CNTN4: variants seen among roughly 807,000 people sequenced by gnomAD.
CNTN4 encodes the protein contactin-4.
CNTN4 carries 77 observed loss-of-function variants against 122.5 expected under a neutral mutation model. The observed-to-expected ratio is 0.63, with a 90% CI of 0.52 to 0.76. The LOEUF (loss-of-function observed/expected upper bound fraction) is 0.76, where lower values mean the gene tolerates loss of function less well. CNTN4 is among the 30% of genes least tolerant of loss of function. The pLI, the probability that CNTN4 is intolerant of heterozygous loss-of-function variation, is 0.00. For missense variants in CNTN4, 1,256 were observed against 1,259.1 expected (o/e 1.00, Z 0.04); for synonymous variants, 512 against 447.0 (o/e 1.15, Z -1.83).
intron 13 of CNTN4, among the ~76,000 whole-genome samples, chr3:2,953,470 C>T (rs1426713767): frequency 6.6e-6 from 1 of 151,588 alleles, no homozygotes; most frequent in African/African-American, 2.4e-5. Context: ...CACTTCTTCT[C>T]CATTTGTCTA....
At chr3:2,139,885 C>T (rs115451993) in intron 2 of CNTN4, among the ~76,000 whole-genome samples, 9 of 152,220 alleles carry the variant, frequency 5.9e-5, no homozygotes, top group South Asian at 2.1e-4. Context: ...CCACCTGATA[C>T]GGTTTGTCTG....
At chr3:2,708,998 G>A (rs2086930950) in intron 4 of CNTN4, among the ~76,000 whole-genome samples, 1 of 151,992 alleles carries the variant, frequency 6.6e-6, no homozygotes, top group Non-Finnish European at 1.5e-5. Context: ...TATTTTAATG[G>A]GCGTTGCTAC....
intron 4 of CNTN4, among the ~76,000 whole-genome samples, chr3:2,687,682 T>C (rs1419822636): frequency 1.3e-5 from 2 of 152,176 alleles, no homozygotes; most frequent in African/African-American, 2.4e-5. Context: ...CATATATCTA[T>C]GCCTTTGATT....
rs1012987207 is a variant in CNTN4 at position 2,860,737 on chromosome 3, A to C, written c.455-6015A>C. 9.6e-5 allele frequency among the ~76,000 whole-genome samples: 14 copies of C among 145,214 alleles called. 1 individual carries two copies. The highest frequency in any genetic ancestry group is 6.5e-4 in the South Asian group (3 of 4,602). ...TATATTTATCATTCTGTGTCTTAGT[A>C]TAATTAAAATGTCATCCAGAGGCCC... On this transcript the variant is annotated intron_variant, in intron 7 of 24. Transcript: ENST00000418658.
At chr3:2,710,607 C>A (rs1257026374) in intron 4 of CNTN4, among the ~76,000 whole-genome samples, 1 of 152,054 alleles carries the variant, frequency 6.6e-6, no homozygotes, top group Admixed American at 6.6e-5. Flanking sequence ...AGTGTCCAAT[C>A]TTGTGGTCTG....
At chr3:2,877,170 T>C (rs2093854008) in intron 8 of CNTN4, among the ~76,000 whole-genome samples, 1 of 152,262 alleles carries the variant, frequency 6.6e-6, no homozygotes, top group Non-Finnish European at 1.5e-5. Flanking sequence ...CTAAGCCATG[T>C]GCTGAAAAAG....
chr3:2,118,196 A>G (rs1001679263), intron 2 of CNTN4, among the ~76,000 whole-genome samples: 4 of 152,194 alleles, frequency 2.6e-5, no homozygotes, highest in Non-Finnish European at 5.9e-5. Context: ...TAAATGAGAA[A>G]ACTGAGAATC....
At chr3:2,847,251 G>A (rs2093471510) in intron 7 of CNTN4, among the ~76,000 whole-genome samples, 1 of 151,684 alleles carries the variant, frequency 6.6e-6, no homozygotes, top group Admixed American at 6.6e-5. Context: ...TCAGTAAGAG[G>A]CCCTTGTAAT....
intron 13 of CNTN4, among the ~76,000 whole-genome samples, chr3:2,984,693 GT>G (rs1232511460): frequency 6.6e-6 from 1 of 152,152 alleles, no homozygotes; most frequent in East Asian, 1.9e-4. Flanking sequence ...ATGGCTTTAG[GT>G]TTTTGGAATG....
intron 3 of CNTN4, among the ~76,000 whole-genome samples, chr3:2,340,341 G>T (rs2044136138): frequency 6.6e-6 from 1 of 152,048 alleles, no homozygotes; most frequent in East Asian, 1.9e-4. Flanking sequence ...TTATTTTAAT[G>T]ATATAATAAT....
intron 3 of CNTN4, among the ~76,000 whole-genome samples, chr3:2,340,709 A>AGAGAGAGAGAGGGAGAGGGAGAGG (rs1559468175): frequency 3.9e-4 from 40 of 101,366 alleles, no homozygotes; most frequent in African/African-American, 1.4e-3. Flanking sequence ...ATATATATAT[A>AGAGAGAGAGAGGGAGAGGGAGAGG]TAGAGAGAGA....
At chr3:2,663,058 C>T (rs545281657) in intron 4 of CNTN4, among the ~76,000 whole-genome samples, 4 of 151,842 alleles carry the variant, frequency 2.6e-5, no homozygotes, top group East Asian at 3.9e-4. Context: ...GCCGAGATCA[C>T]GCCACTGCAC....
chr3:2,224,786 G>A lies in CNTN4; in HGVS notation c.-144-114392G>A, dbSNP rs1048808659. ...GGTATCAGTTGGCTCTGGGATTCCC[G>A]AGTTAATCAGGTTGACTCAATCTGT... On this transcript the variant is annotated intron_variant, in intron 2 of 24. Coordinates refer to ENST00000418658, the MANE Select transcript of CNTN4 (RefSeq NM_175607.3). 6.6e-5 allele frequency among the ~76,000 whole-genome samples: 10 copies of A among 152,282 alleles called. No homozygotes were observed. In the East Asian group the frequency reaches 1.4e-3, roughly 21 times the overall value.
chr3:2,547,249 T>G (rs1395447599), intron 3 of CNTN4, among the ~76,000 whole-genome samples: 1 of 147,790 alleles, frequency 6.8e-6, no homozygotes, highest in Non-Finnish European at 1.5e-5. Flanking sequence ...TATTTATTTA[T>G]TTATTTATTT....
At chr3:2,933,152 C>T (rs779468349) in intron 13 of CNTN4, among the ~76,000 whole-genome samples, 9 of 152,034 alleles carry the variant, frequency 5.9e-5, no homozygotes, top group Admixed American at 2.6e-4. Flanking sequence ...AGGCTGTGAT[C>T]GGCCTCAGGA....
At chr3:2,619,717 A>C (rs1252807122) in intron 4 of CNTN4, among the ~76,000 whole-genome samples, 1 of 152,226 alleles carries the variant, frequency 6.6e-6, no homozygotes, top group African/African-American at 2.4e-5. Flanking sequence ...TGCCTGACGA[A>C]GAACATGAGG....
At chr3:2,665,810 T>A (rs1334607367) in intron 4 of CNTN4, among the ~76,000 whole-genome samples, 1 of 152,172 alleles carries the variant, frequency 6.6e-6, no homozygotes, top group South Asian at 2.1e-4. Flanking sequence ...AGAAAAAATA[T>A]GGGGTATCCA....
rs943353867 is a variant in CNTN4 at position 3,057,820 on chromosome 3, A to T, written c.*1600A>T. 1 of 152,652 alleles carries T rather than the reference A, an allele frequency of 6.6e-6. No homozygotes were observed. Among genetic ancestry groups the T allele is most frequent in the African/African-American group, 2.4e-5 (1 of 41,450 alleles). The allele number at this position is 152,652 out of a possible 1,614,324, so 9.5% of individuals were successfully genotyped here. A position where few individuals can be genotyped will look rare whatever the true frequency, so the allele number is the denominator to read the frequency against. On this transcript the variant is annotated 3_prime_UTR_variant, in exon 25 of 25. Coordinates refer to ENST00000418658, the MANE Select transcript of CNTN4 (RefSeq NM_175607.3). The stretch of plus-strand genomic sequence containing the variant: ...AATTTAAAATCACATGCAAAAAAAA[A>T]ATCAGCAAAATAATAAAATGAACGA...
chr3:2,653,818 G>T (rs1665741803), intron 4 of CNTN4, among the ~76,000 whole-genome samples: 1 of 152,082 alleles, frequency 6.6e-6, no homozygotes, highest in Admixed American at 6.6e-5. Context: ...TAATTGTTTT[G>T]CAGCTTTCTC....
Sources: allele counts gnomAD v4.1 joint callset (sites outside exome capture counted in the v4.1 genomes callset), GRCh38; gene constraint gnomAD v4.1.1; transcripts MANE v1.5; gene names NCBI Gene and HGNC (gene_info 2026-07-23, HGNC 2026-07-21).